The following PDE10A variants were observed in gnomAD, a reference collection of about 807,000 sequenced individuals.
PDE10A encodes the protein cAMP and cAMP-inhibited cGMP 3',5'-cyclic phosphodiesterase 10A.
In PDE10A, 39 loss-of-function variants were observed where a neutral mutation model predicts 97.7. The ratio of observed to expected loss-of-function variants is 0.40; its 90% CI spans 0.31 to 0.52. The LOEUF (loss-of-function observed/expected upper bound fraction) is 0.52. Ranked by LOEUF, PDE10A falls within the 20% of genes least tolerant of loss-of-function variation. The pLI, the probability that PDE10A is intolerant of heterozygous loss-of-function variation, is 0.56. For synonymous variants in PDE10A, 371 were observed against 376.8 expected, an observed-to-expected ratio of 0.98 and a Z score of 0.18; for missense variants, 731 against 1,047.8, an observed-to-expected ratio of 0.70 and a Z score of 4.17.
At chr6:165,971,675 T>G (rs1376499844) in intron 1 of PDE10A, among the ~76,000 whole-genome samples, 1 of 152,252 alleles carries the variant, frequency 6.6e-6, no homozygotes, top group Non-Finnish European at 1.5e-5. Flanking sequence ...AATAGTAATT[T>G]ACTGCTTCTG....
At chr6:165,942,886 T>C (rs1783580106) in intron 1 of PDE10A, among the ~76,000 whole-genome samples, 1 of 152,004 alleles carries the variant, frequency 6.6e-6, no homozygotes, top group South Asian at 2.1e-4. Context: ...TCCACTGTGA[T>C]TGGTAAATTA....
At chr6:165,895,763 A>G (rs984103233) in intron 1 of PDE10A, among the ~76,000 whole-genome samples, 5 of 152,102 alleles carry the variant, frequency 3.3e-5, no homozygotes, top group African/African-American at 4.8e-5. Flanking sequence ...CCCAAGGGGC[A>G]CTAGAATGTT....
intron 2 of PDE10A, among the ~76,000 whole-genome samples, chr6:165,482,893 G>T (rs1365574565): frequency 2.0e-5 from 3 of 152,162 alleles, no homozygotes; most frequent in African/African-American, 7.2e-5. Flanking sequence ...ATACCAGCTT[G>T]TCAGCATTGG....
At chr6:165,670,768 TG>T (rs1412423779) in intron 1 of PDE10A, among the ~76,000 whole-genome samples, 1 of 152,194 alleles carries the variant, frequency 6.6e-6, no homozygotes, top group Non-Finnish European at 1.5e-5. Flanking sequence ...TTAAGATTCC[TG>T]GGGTCTTAAA....
intron 3 of PDE10A, among the ~76,000 whole-genome samples, chr6:165,460,091 C>G (rs1216688117): frequency 6.6e-6 from 1 of 152,204 alleles, no homozygotes; most frequent in Non-Finnish European, 1.5e-5. Flanking sequence ...TTCCCTCACC[C>G]CTGTACAATG....
intron 1 of PDE10A, among the ~76,000 whole-genome samples, chr6:165,765,337 G>T (rs561100814): frequency 6.6e-6 from 1 of 152,360 alleles, no homozygotes; most frequent in Non-Finnish European, 1.5e-5. Flanking sequence ...AGAGCAGGGG[G>T]CGGCGCTCCT....
At chr6:165,567,387 T>A (rs11753250) in intron 1 of PDE10A, among the ~76,000 whole-genome samples, 5,527 of 152,306 alleles carry the variant, frequency 0.036, 152 homozygotes, top group Non-Finnish European at 0.053. Flanking sequence ...TAGTAAGTTG[T>A]GGAAATGGCA....
intron 1 of PDE10A, among the ~76,000 whole-genome samples, chr6:165,703,033 G>A (rs182859096): frequency 1.3e-5 from 2 of 152,272 alleles, no homozygotes; most frequent in Admixed American, 6.5e-5. Flanking sequence ...AACACGATTC[G>A]GCATCTCTTA....
At chr6:165,830,643 A>C (rs879862194) in intron 1 of PDE10A, among the ~76,000 whole-genome samples, 3 of 152,194 alleles carry the variant, frequency 2.0e-5, no homozygotes, top group Non-Finnish European at 4.4e-5. Context: ...CAGGGCCTCC[A>C]GGTCCTGTTT....
chr6:165,554,289 T>C (rs1784147788), intron 1 of PDE10A, among the ~76,000 whole-genome samples: 1 of 151,936 alleles, frequency 6.6e-6, no homozygotes, highest in African/African-American at 2.4e-5. Context: ...AACCAGAATA[T>C]ATAAAGAGCT....
In PDE10A at chr6:165,555,094, C is replaced by T. The variant is rs138512376; in HGVS notation, c.866-11526G>A. Among the ~76,000 whole-genome samples the T allele has an allele frequency of 4.6e-3, 704 of 152,166 alleles. 5 individuals are homozygous for T. The highest frequency in any genetic ancestry group is 0.01 in the Middle Eastern group (3 of 294). On this transcript the variant is annotated intron_variant, in intron 1 of 21. Transcript: ENST00000539869. ...CAAAAAAATGAACAAGTGAATAAGA[C>T]CTACTGTTTGATACCACATTAGGGT...
intron 1 of PDE10A, chr6:165,986,574 T>TCTCCTGC (rs2128505412): frequency 6.6e-6 from 1 of 152,242 alleles, no homozygotes; most frequent in East Asian, 1.9e-4. Flanking sequence ...TCAGTCTCTC[T>TCTCCTGC]CTCCTTCCTC....
At chr6:165,645,131 C>T (rs906402610) in intron 1 of PDE10A, among the ~76,000 whole-genome samples, 2 of 152,180 alleles carry the variant, frequency 1.3e-5, no homozygotes, top group Admixed American at 1.3e-4. Context: ...TTCAGGCGCA[C>T]ATCTGAGCCT....
At chr6:165,901,519 A>G (rs945686567) in intron 1 of PDE10A, among the ~76,000 whole-genome samples, 7 of 152,118 alleles carry the variant, frequency 4.6e-5, no homozygotes, top group African/African-American at 1.4e-4. Context: ...AATGCCCCGC[A>G]TGGCCAGGCA....
At chr6:165,693,936 A>G (rs1228826432) in intron 1 of PDE10A, among the ~76,000 whole-genome samples, 2 of 152,216 alleles carry the variant, frequency 1.3e-5, no homozygotes, top group African/African-American at 4.8e-5. Context: ...TTAATATGCA[A>G]TGATAGGAAA....
chr6:165,888,044 T>G (rs149105155), intron 1 of PDE10A, among the ~76,000 whole-genome samples: 1 of 152,286 alleles, frequency 6.6e-6, no homozygotes, highest in Non-Finnish European at 1.5e-5. Context: ...CTGGGGATGC[T>G]CGCTCCTTAA....
intron 1 of PDE10A, among the ~76,000 whole-genome samples, chr6:165,628,516 G>A (rs1461646862): frequency 6.6e-6 from 1 of 151,914 alleles, no homozygotes; most frequent in Non-Finnish European, 1.5e-5. Flanking sequence ...ACCACACCCG[G>A]CAATTATTTT....
intron 1 of PDE10A, among the ~76,000 whole-genome samples, chr6:165,608,311 C>T (rs1031654153): frequency 5.3e-4 from 75 of 141,454 alleles, no homozygotes; most frequent in Admixed American, 9.6e-4. Flanking sequence ...CTTCCTGTGT[C>T]CAAGTGTTCT....
chr6:165,937,670 C>T (rs562533926), intron 1 of PDE10A, among the ~76,000 whole-genome samples: 1 of 152,236 alleles, frequency 6.6e-6, no homozygotes, highest in East Asian at 1.9e-4. Context: ...AATAAATTAA[C>T]AGTGAACATT....
Sources: gnomAD v4.1 joint callset for allele counts (sites outside exome capture counted in the v4.1 genomes callset) on GRCh38, gnomAD v4.1.1 for gene constraint, MANE v1.5 for transcripts, NCBI Gene and HGNC (gene_info 2026-07-23, HGNC 2026-07-21) for gene names.